The following ZNF25 variants were observed in gnomAD, a reference collection of about 807,000 sequenced individuals.
ZNF25 encodes zinc finger protein 25 (KOX 19).
ZNF25 carries 21 observed loss-of-function variants against 30.9 expected under a neutral mutation model. That is an observed-to-expected ratio of 0.68 (90% CI 0.48 to 0.98). ZNF25 has a LOEUF of 0.98. ZNF25 is among the 50% of genes least tolerant of loss of function. The probability of loss-of-function intolerance (pLI) is 0.00; values close to 1 mark genes in which losing one functional copy is unlikely to be tolerated. For synonymous variants in ZNF25, 169 were observed against 181.3 expected, an observed-to-expected ratio of 0.93 and a Z score of 0.55; for missense variants, 501 against 529.9, an observed-to-expected ratio of 0.95 and a Z score of 0.54.
intron 2 of ZNF25, among the ~76,000 whole-genome samples, chr10:37,966,103 G>C (rs797016140): frequency 3.3e-5 from 5 of 152,254 alleles, no homozygotes; most frequent in African/African-American, 7.2e-5. Flanking sequence ...GAGGGTATTA[G>C]TGTGTTATCA....
rs1473474307 is a variant in ZNF25, at chr10:37,950,842, G to A, written c.*1285C>T. The A allele has an allele frequency of 6.6e-6, 1 of 152,134 alleles. No individual in the cohort carries two copies. Among genetic ancestry groups the A allele is most frequent in the Non-Finnish European group, 1.5e-5 (1 of 68,026 alleles). The allele number at this position is 152,134 out of a possible 1,614,324, so 9.4% of individuals were successfully genotyped here. On this transcript the variant is annotated 3_prime_UTR_variant, in exon 6 of 6. Transcript: ENST00000302609. ...CTTAACTATGCCATGTTGCTTCTATGAGGAAGAAAAAGTTGGTGAAGAACA... is the reference window on the plus strand; with the variant it reads ...CTTAACTATGCCATGTTGCTTCTATAAGGAAGAAAAAGTTGGTGAAGAACA...
chr10:37,970,544 T>TC (rs1295084068), intron 2 of ZNF25, among the ~76,000 whole-genome samples: 1 of 152,120 alleles, frequency 6.6e-6, no homozygotes, highest in Admixed American at 6.6e-5. Context: ...CTAAATTCTT[T>TC]CCCCCCTAAG....
At position 37,965,281 on chromosome 10, in the gene ZNF25, C is replaced by A. The variant is rs560716863; in HGVS notation, c.15+6427G>T. Among the ~76,000 whole-genome samples the A allele has an allele frequency of 2.0e-5, 3 of 152,174 alleles. 1 individual carries two copies. The South Asian group carries it at 6.2e-4, about 32-fold the overall frequency. Reference sequence around the variant, plus strand: ...GGGGTTGGAGCCTCCACACAGAGCCCCCACTGGGGTACTGCCTAATGGAGC... The same window carrying A: ...GGGGTTGGAGCCTCCACACAGAGCCACCACTGGGGTACTGCCTAATGGAGC... On this transcript the variant is annotated intron_variant, in intron 2 of 5. Coordinates refer to ENST00000302609, the MANE Select transcript of ZNF25 (RefSeq NM_145011.4).
rs61857044 is a variant in ZNF25 at position 37,955,768 on chromosome 10, C to T, written c.238+1252G>A. Among the ~76,000 whole-genome samples, 403 of 152,260 alleles carry T rather than the reference C, an allele frequency of 2.6e-3. 1 individual carries two copies. Among genetic ancestry groups the T allele is most frequent in the Admixed American group, 4.8e-3 (73 of 15,286 alleles). On this transcript the variant is annotated intron_variant, in intron 4 of 5. Coordinates refer to ENST00000302609, the MANE Select transcript of ZNF25 (RefSeq NM_145011.4). ...TCTTGGCTCACTGTAACCACTGCTTCCTGGGTTTAAGCAATTCTCATGCCT... is the reference window on the plus strand; with the variant it reads ...TCTTGGCTCACTGTAACCACTGCTTTCTGGGTTTAAGCAATTCTCATGCCT...
At chr10:37,973,958 G>A (rs1344363365) in intron 1 of ZNF25, among the ~76,000 whole-genome samples, 1 of 152,068 alleles carries the variant, frequency 6.6e-6, no homozygotes, top group Non-Finnish European at 1.5e-5. Flanking sequence ...AAAGAGAATT[G>A]AGAAATAAAT....
In ZNF25 at chr10:37,951,776, G is replaced by T. The variant is rs758730138; in HGVS notation, c.*351C>A. The stretch of plus-strand genomic sequence containing the variant: ...AGCTTTTGGATGTCTACAGCTGGCT[G>T]CCCTGACAGAAAATGTCTTGACATT... On this transcript the variant is annotated 3_prime_UTR_variant, in exon 6 of 6. Transcript: ENST00000302609. 3.5e-5 allele frequency: 7 copies of T among 201,460 alleles called. No individual in the cohort carries two copies. Among genetic ancestry groups the T allele is most frequent in the Non-Finnish European group, 7.0e-5 (7 of 100,686 alleles). The allele number at this position is 201,460 out of a possible 1,614,324, so 12.5% of individuals were successfully genotyped here. A position where few individuals can be genotyped will look rare whatever the true frequency, so the allele number is the denominator to read the frequency against.
chr10:37,954,055 A>G (rs973203852), intron 4 of ZNF25, among the ~76,000 whole-genome samples: 2 of 152,200 alleles, frequency 1.3e-5, no homozygotes, highest in African/African-American at 4.8e-5. Context: ...AACATAGGAC[A>G]TTCGAAGTGT....
rs1564745659 is a variant in ZNF25, at chr10:37,952,150, TTG to T, written c.1346_1347del (p.Thr449LysfsTer6). 5.1e-6 allele frequency: 8 copies of T among 1,574,832 alleles called. No individual in the cohort carries two copies. Among genetic ancestry groups the T allele is most frequent in the Non-Finnish European group, 6.0e-6 (7 of 1,162,582 alleles). On this transcript the variant is annotated frameshift_variant, in exon 6 of 6. Coordinates refer to ENST00000302609, the MANE Select transcript of ZNF25 (RefSeq NM_145011.4). LOFTEE classifies it low-confidence loss of function (END_TRUNC). ...TCTTACTTCTCAGCATTCCTCTTCT[TTG>T]TGTGTGTCTTCTGATGTGCAGTGAG... ...SQLTAHQKTH[T>X]KKRNAEK
chr10:37,953,554 T>G, intron 5 of ZNF25, 141 bp downstream of exon 5: 1 of 768,666 alleles, frequency 1.3e-6, no homozygotes, highest in Non-Finnish European at 2.1e-6. Flanking sequence ...GCAGTCCCAT[T>G]TGGATTATAT....
At chr10:37,966,417 T>TAA (rs35782288) in intron 2 of ZNF25, among the ~76,000 whole-genome samples, 69 of 135,868 alleles carry the variant, frequency 5.1e-4, no homozygotes, top group African/African-American at 1.4e-3. Context: ...CCATCTCAAT[T>TAA]AAAAAAAAAA....
rs1249195027 is a variant in ZNF25, at chr10:37,957,304, AC to A, written c.142+115del. 25 of 1,395,828 alleles carry A rather than the reference AC, an allele frequency of 1.8e-5. No homozygotes were observed. The South Asian group carries it at 2.0e-4, about 11-fold the overall frequency. 86.5% of individuals were successfully genotyped at this position (1,395,828 alleles called of 1,614,324 possible). ...ACCCAAAATGGATTTATTAACTTCG[AC>A]CTCTGAATCATAGATAATGTCAATC... On this transcript the variant is annotated intron_variant, in intron 3 of 5. Transcript: ENST00000302609.
At chr10:37,966,429 A>C (rs1037720841) in intron 2 of ZNF25, among the ~76,000 whole-genome samples, 2 of 152,058 alleles carry the variant, frequency 1.3e-5, no homozygotes, top group East Asian at 3.9e-4. Flanking sequence ...AAAAAAAAAA[A>C]AAACTACCTG....
chr10:37,970,282 T>C (rs747692395), intron 2 of ZNF25, among the ~76,000 whole-genome samples: 1 of 152,164 alleles, frequency 6.6e-6, no homozygotes, highest in Non-Finnish European at 1.5e-5. Flanking sequence ...AAACACATTG[T>C]GACCAATTTA....
At chr10:37,954,704 A>T (rs1436896457) in intron 4 of ZNF25, among the ~76,000 whole-genome samples, 26 of 152,200 alleles carry the variant, frequency 1.7e-4, no homozygotes, top group Non-Finnish European at 5.9e-5. Flanking sequence ...ATCTTTAGTG[A>T]CCTTCATATT....
Position 37,971,807 on chromosome 10 carries a change from C to G in ZNF25, c.-85G>C, listed in dbSNP as rs1283855326. The G allele has an allele frequency of 6.3e-7, 1 of 1,587,638 alleles. No individual in the cohort carries two copies. The highest frequency in any genetic ancestry group is 8.6e-7 in the Non-Finnish European group (1 of 1,156,728). On this transcript the variant is annotated splice_region_variant and 5_prime_UTR_variant, in exon 2 of 6. Transcript: ENST00000302609. ...CCTTAGCTGGCAGCCCCAGGAATCA[C>G]CTGTGAGAAATTTCCATACAACATT...
Position 37,953,111 on chromosome 10 carries a change from C to G in ZNF25, c.387G>C (p.Gln129His). ...ECKECGKFFCQKSALIVHQHT... is the reference protein window; with the variant it reads ...ECKECGKFFCHKSALIVHQHT... ...GCTGATGTACTATGAGGGCAGACTTCTGGCAGAAGAACTTCCCACATTCCT... is the reference window on the plus strand; with the variant it reads ...GCTGATGTACTATGAGGGCAGACTTGTGGCAGAAGAACTTCCCACATTCCT... The change falls in exon 6 of 6, where the codon CAG becomes CAC. Residue 129 changes from glutamine (Q) to histidine (H), a missense_variant. Physicochemically the swap from Gln to His is conservative, Grantham distance 24. Coordinates refer to ENST00000302609, the MANE Select transcript of ZNF25 (RefSeq NM_145011.4). 1 of 1,613,510 alleles carries G rather than the reference C, an allele frequency of 6.2e-7. No individual in the cohort carries two copies. The highest frequency in any genetic ancestry group is 8.5e-7 in the Non-Finnish European group (1 of 1,179,896).
intron 2 of ZNF25, among the ~76,000 whole-genome samples, chr10:37,967,709 C>A (rs994739409): frequency 6.6e-6 from 1 of 151,996 alleles, no homozygotes; most frequent in Non-Finnish European, 1.5e-5. Context: ...CGTTCAGCCC[C>A]AACTGATTTT....
intron 4 of ZNF25, among the ~76,000 whole-genome samples, chr10:37,955,198 T>C (rs896477877): frequency 2.6e-5 from 4 of 151,180 alleles, no homozygotes; most frequent in African/African-American, 9.7e-5. Flanking sequence ...AAGAGCATAG[T>C]AAAATGGAGA....
In ZNF25 at chr10:37,952,360, C is replaced by A. The variant is rs1348054423; in HGVS notation, c.1138G>T (p.Ala380Ser). 1.2e-6 allele frequency: 2 copies of A among 1,612,684 alleles called. No homozygotes were observed. Among genetic ancestry groups the A allele is most frequent in the Admixed American group, 1.7e-5 (1 of 59,858 alleles). Residue 380 changes from alanine (A) to serine (S), a missense_variant, in exon 6 of 6, where the codon GCT becomes TCT. Coordinates refer to ENST00000302609, the MANE Select transcript of ZNF25 (RefSeq NM_145011.4). The part of the protein sequence containing the change: ...YECTECGKSF[A>S]VNSVLRLHQR... ...TGTAATCTGAGGACTGAATTCACAG[C>A]AAAAGATTTGCCACATTCTGTGCAT...
Sources: gnomAD v4.1 joint callset for allele counts (sites outside exome capture counted in the v4.1 genomes callset) on GRCh38, gnomAD v4.1.1 for gene constraint, MANE v1.5 for transcripts, NCBI Gene and HGNC (gene_info 2026-07-23, HGNC 2026-07-21) for gene names.